FBLN1: variants seen among roughly 807,000 people sequenced by gnomAD.
FBLN1 encodes fibulin 1.
FBLN1 carries 34 observed loss-of-function variants against 89.7 expected under a neutral mutation model. The ratio of observed to expected loss-of-function variants is 0.38; its 90% CI spans 0.29 to 0.50. The LOEUF is 0.50. Among genes scored for constraint, FBLN1 ranks in the 20% least tolerant of loss-of-function variants. FBLN1 has a pLI of 0.92. For missense variants in FBLN1, 777 were observed against 988.1 expected (o/e 0.79, Z 2.86); for synonymous variants, 393 against 391.3 (o/e 1.00, Z -0.05).
intron 2 of FBLN1, among the ~76,000 whole-genome samples, chr22:45,520,563 G>C (rs1463261992): frequency 3.9e-5 from 6 of 152,156 alleles, no homozygotes. Flanking sequence ...GAGATACTGG[G>C]GGTTAGGACT....
In FBLN1 at chr22:45,577,721, G is replaced by A. The variant is rs1002364384; in HGVS notation, c.1972+613G>A. ...TCCCTGGAGATCCGGTGTTTGGGGA[G>A]CGTGAAGGGAGGCTGGGGCATGAGG... On this transcript the variant is annotated intron_variant, in intron 16 of 16. Transcript: ENST00000327858. The surrounding 1 kb of genome is among the most constrained non-coding windows in gnomAD (Gnocchi z 6.6). Among the ~76,000 whole-genome samples the A allele has an allele frequency of 6.6e-6, 1 of 152,342 alleles. No individual in the cohort carries two copies.
In FBLN1 at chr22:45,572,562, GA is replaced by G. The variant is rs145396016; in HGVS notation, c.1698-1947del. On this transcript the variant is annotated intron_variant, in intron 14 of 16. Transcript: ENST00000327858. The surrounding 1 kb of genome is among the most constrained non-coding windows in gnomAD (Gnocchi z 5.8). ...TGGTAATTAAATCACAAGAGCACAT[GA>G]AGGGAAGCATCTGTTTACAGGAGTA... 0.026 allele frequency among the ~76,000 whole-genome samples: 3,901 copies of G among 152,334 alleles called. 167 individuals carry two copies. Among genetic ancestry groups the G allele is most frequent in the African/African-American group, 0.087 (3,617 of 41,562 alleles).
rs538229185 is a variant in FBLN1, at chr22:45,577,876, A to G, written c.1972+768A>G. On this transcript the variant is annotated intron_variant, in intron 16 of 16. Transcript: ENST00000327858. The surrounding 1 kb of genome is among the most constrained non-coding windows in gnomAD (Gnocchi z 6.6). ...GTGAAAAAATATCCAGGCCCACTCC[A>G]TTCCGCACGCTTGTTTCTGTCATTC... The G allele has an allele frequency of 6.9e-4, 106 of 154,166 alleles. 1 individual carries two copies. In the Middle Eastern group the frequency reaches 0.017, roughly 25 times the overall value. 9.5% of individuals were successfully genotyped at this position (154,166 alleles called of 1,614,324 possible). A position where few individuals can be genotyped will look rare whatever the true frequency, so the allele number is the denominator to read the frequency against.
At chr22:45,548,196 T>C (rs2088655928) in intron 12 of FBLN1, among the ~76,000 whole-genome samples, 1 of 152,144 alleles carries the variant, frequency 6.6e-6, no homozygotes, top group Non-Finnish European at 1.5e-5. Context: ...CCCACAGGCA[T>C]GCACCAGTAT....
At chr22:45,571,111 C>CAAAA (rs542647353) in intron 14 of FBLN1, among the ~76,000 whole-genome samples, 213 of 70,420 alleles carry the variant, frequency 3.0e-3, no homozygotes, top group Non-Finnish European at 3.8e-3. Context: ...ACAAGAGTCT[C>CAAAA]AAAAAAAAAA....
intron 2 of FBLN1, among the ~76,000 whole-genome samples, chr22:45,524,015 G>C (rs910413646): frequency 1.3e-5 from 2 of 152,236 alleles, no homozygotes; most frequent in African/African-American, 2.4e-5. Flanking sequence ...TGGCAGTTTA[G>C]TGAAACGCCG....
intron 1 of FBLN1, among the ~76,000 whole-genome samples, chr22:45,504,642 T>TC (rs1235313075): frequency 1.3e-5 from 2 of 152,126 alleles, no homozygotes; most frequent in Non-Finnish European, 2.9e-5. Context: ...GGTAAAACTC[T>TC]CCCTGGCCCC....
intron 16 of FBLN1, among the ~76,000 whole-genome samples, chr22:45,586,251 C>G (rs1330517278): frequency 2.0e-5 from 3 of 152,210 alleles, no homozygotes; most frequent in East Asian, 3.9e-4. Context: ...GATTGGTTTT[C>G]CAGCCCAGGA....
chr22:45,555,041 A>ACCCGTCCCCGTCTCCACCGCAGGAGGTTG (rs2088763058), intron 14 of FBLN1, among the ~76,000 whole-genome samples: 1 of 140,676 alleles, frequency 7.1e-6, no homozygotes, highest in African/African-American at 3.0e-5. Context: ...GCAGGAGGTT[A>ACCCGTCCCCGTCTCCACCGCAGGAGGTTG]GGACCCGTCC....
chr22:45,590,430 G>C lies in FBLN1; in HGVS notation c.1973-9877G>C, dbSNP rs765743923. The stretch of plus-strand genomic sequence containing the variant: ...TTCAGTGTGGCTGGGGCAGTGTGCT[G>C]AGAGCTGGGCTGGACGGGGCCGTGG... On this transcript the variant is annotated intron_variant, in intron 16 of 16. Transcript: ENST00000327858. The surrounding 1 kb of genome is among the most constrained non-coding windows in gnomAD (Gnocchi z 4.1). Among the ~76,000 whole-genome samples the C allele has an allele frequency of 4.6e-5, 7 of 152,228 alleles. No homozygotes were observed. The highest frequency in any genetic ancestry group is 7.3e-5 in the Non-Finnish European group (5 of 68,040).
chr22:45,593,236 C>T (rs6006779), intron 16 of FBLN1, among the ~76,000 whole-genome samples: 13,051 of 137,778 alleles, frequency 0.095, 1,911 homozygotes, highest in African/African-American at 0.32. Flanking sequence ...ATAGCAGGAG[C>T]TGAAAGATGG....
rs200614579 is a variant in FBLN1, at chr22:45,543,487, G to A, written c.1282G>A (p.Val428Met). 1.5e-5 allele frequency: 25 copies of A among 1,613,694 alleles called. No homozygotes were observed. Among genetic ancestry groups the A allele is most frequent in the Admixed American group, 5.0e-5 (3 of 59,996 alleles). The change falls in exon 11 of 17, where the codon GTG becomes ATG. Residue 428 changes from valine (V) to methionine (M), a missense_variant. Val to Met is a conservative substitution (Grantham distance 21). Coordinates refer to ENST00000327858, the MANE Select transcript of FBLN1 (RefSeq NM_006486.3). The stretch of plus-strand genomic sequence containing the variant: ...GGGCTCCTACCTCTGCAGCTGTTCC[G>A]TGGGCTTCCGGCTCTCTGTGGATGG... ...TLGSYLCSCS[V>M]GFRLSVDGRS...
chr22:45,567,373 T>C (rs748483758), intron 14 of FBLN1, among the ~76,000 whole-genome samples: 2 of 152,204 alleles, frequency 1.3e-5, no homozygotes, highest in African/African-American at 2.4e-5. Context: ...CCCAGCACTT[T>C]GGGAGGCCAA....
chr22:45,568,652 A>G lies in FBLN1; in HGVS notation c.1698-5859A>G, dbSNP rs865824235. 2.4e-5 allele frequency among the ~76,000 whole-genome samples: 2 copies of G among 82,038 alleles called. 1 individual carries two copies. Among genetic ancestry groups the G allele is most frequent in the Non-Finnish European group, 4.5e-5 (2 of 44,300 alleles). 53.8% of individuals were successfully genotyped at this position (82,038 alleles called of 152,430 possible). Reference sequence around the variant, plus strand: ...AAGGGAATGCCTCTTCTGTGGGAGAATGCTCCTTCTGTAGGGGAATGCCTC... The same window carrying G: ...AAGGGAATGCCTCTTCTGTGGGAGAGTGCTCCTTCTGTAGGGGAATGCCTC... On this transcript the variant is annotated intron_variant, in intron 14 of 16. Coordinates refer to ENST00000327858, the MANE Select transcript of FBLN1 (RefSeq NM_006486.3).
intron 1 of FBLN1, among the ~76,000 whole-genome samples, chr22:45,512,313 G>A (rs1406257239): frequency 1.3e-5 from 2 of 152,070 alleles, no homozygotes; most frequent in Non-Finnish European, 2.9e-5. Flanking sequence ...TGGGGGGCCT[G>A]ACTGATCAGG....
At chr22:45,511,006 G>A (rs1437289414) in intron 1 of FBLN1, among the ~76,000 whole-genome samples, 1 of 152,174 alleles carries the variant, frequency 6.6e-6, no homozygotes, top group Non-Finnish European at 1.5e-5. Flanking sequence ...GTGTCAGCCT[G>A]GAGGAGTGTG....
Position 45,580,613 on chromosome 22 carries a change from T to C in FBLN1, c.1972+3505T>C, listed in dbSNP as rs1245964267. Among the ~76,000 whole-genome samples, 2 of 152,204 alleles carry C rather than the reference T, an allele frequency of 1.3e-5. No homozygotes were observed. Among genetic ancestry groups the C allele is most frequent in the East Asian group, 3.9e-4 (2 of 5,188 alleles). ...AGATTTGCCCGAGGCCACTCAGAGCTGGGGCCAGAGCGGGCCTGGAGCCCG... is the reference window on the plus strand; with the variant it reads ...AGATTTGCCCGAGGCCACTCAGAGCCGGGGCCAGAGCGGGCCTGGAGCCCG... On this transcript the variant is annotated intron_variant, in intron 16 of 16. Transcript: ENST00000327858. The surrounding 1 kb of genome is among the most constrained non-coding windows in gnomAD (Gnocchi z 8.6).
rs1377109878 is a variant in FBLN1, at chr22:45,574,168, C to T, written c.1698-343C>T. ...AGCAGCCGGCGCCTGGCACTCAAAACATATTTGTTGGGCAAGTGAACCTGT... is the reference window on the plus strand; with the variant it reads ...AGCAGCCGGCGCCTGGCACTCAAAATATATTTGTTGGGCAAGTGAACCTGT... On this transcript the variant is annotated intron_variant, in intron 14 of 16. Transcript: ENST00000327858. This position sits in a 1 kb window ranked among gnomAD's most constrained non-coding sequence, Gnocchi z 4.1. 6.6e-6 allele frequency among the ~76,000 whole-genome samples: 1 copy of T among 152,226 alleles called. No individual in the cohort carries two copies. The highest frequency in any genetic ancestry group is 1.5e-5 in the Non-Finnish European group (1 of 68,038).
intron 16 of FBLN1, among the ~76,000 whole-genome samples, chr22:45,598,652 C>G (rs2089206209): frequency 6.6e-6 from 1 of 152,238 alleles, no homozygotes; most frequent in Non-Finnish European, 1.5e-5. Context: ...ACCTTTCATC[C>G]TAGATCTCCC....
Sources: allele counts gnomAD v4.1 joint callset (sites outside exome capture counted in the v4.1 genomes callset), GRCh38; gene constraint gnomAD v4.1.1; non-coding constraint Gnocchi (gnomAD v3.1); transcripts MANE v1.5; gene names NCBI Gene and HGNC (gene_info 2026-07-23, HGNC 2026-07-21).